Variants in CLIC5 observed in about 807,000 individuals in gnomAD.
CLIC5 encodes CLIC family member 5, also known as chloride intracellular channel protein 5.
In CLIC5, 20 loss-of-function variants were observed where a neutral mutation model predicts 24.7. The ratio of observed to expected loss-of-function variants is 0.81; its 90% confidence interval spans 0.57 to 1.18. CLIC5 has a LOEUF of 1.18. Among genes scored for constraint, CLIC5 ranks in the 50% most tolerant of loss-of-function variants. The pLI, the probability that CLIC5 is intolerant of heterozygous loss-of-function variation, is 0.00. For synonymous variants in CLIC5, 159 were observed against 135.6 expected (o/e 1.17, Z -1.20); for missense variants, 341 against 326.1 (o/e 1.05, Z -0.35).
chr6:46,079,150 G>A (rs960028758), intron 1 of CLIC5, among the ~76,000 whole-genome samples: 4 of 152,080 alleles, frequency 2.6e-5, no homozygotes, highest in Non-Finnish European at 5.9e-5. Context: ...TTTAGATATC[G>A]TAAGCATTAA....
At chr6:46,052,712 C>A (rs140168682) in intron 1 of CLIC5, among the ~76,000 whole-genome samples, 288 of 152,200 alleles carry the variant, frequency 1.9e-3, no homozygotes, top group African/African-American at 5.8e-3. Context: ...ACTCCCACAT[C>A]CCAGCTCTGT....
chr6:46,122,855 C>T, the CLIC5 span: 3 of 152,212 alleles, frequency 2.0e-5, no homozygotes, highest in Non-Finnish European at 4.4e-5. Flanking sequence ...CTCCTCAACA[C>T]ATACACCCTC....
At chr6:46,078,234 C>A (rs1336740868) in intron 1 of CLIC5, among the ~76,000 whole-genome samples, 2 of 152,046 alleles carry the variant, frequency 1.3e-5, no homozygotes, top group African/African-American at 4.8e-5. Flanking sequence ...GTGGCACATG[C>A]CTGTAATCCC....
At chr6:45,962,463 A>G (rs756267801) in intron 1 of CLIC5, among the ~76,000 whole-genome samples, 1 of 146,070 alleles carries the variant, frequency 6.8e-6, no homozygotes, top group African/African-American at 2.6e-5. Flanking sequence ...AAGTTCACCA[A>G]TTTAAATGTT....
rs559236232 is a variant in CLIC5 at position 45,902,745 on chromosome 6, G to A, written c.*343C>T. 1.9e-5 allele frequency: 5 copies of A among 268,364 alleles called. No individual in the cohort carries two copies. In the East Asian group the frequency reaches 5.0e-4, roughly 27 times the overall value. The allele number at this position is 268,364 out of a possible 1,614,324, so 16.6% of individuals were successfully genotyped here. A position where few individuals can be genotyped will look rare whatever the true frequency, so the allele number is the denominator to read the frequency against. ...GGAGTTGGTGTTGCATGTTTCTAAAGCATCTGAGAAGGTATTTTGATATTG... is the reference window on the plus strand; with the variant it reads ...GGAGTTGGTGTTGCATGTTTCTAAAACATCTGAGAAGGTATTTTGATATTG... On this transcript the variant is annotated 3_prime_UTR_variant, in exon 6 of 6. Transcript: ENST00000339561.
At chr6:45,886,612 G>A (rs751312339) in intron 6 of CLIC5, among the ~76,000 whole-genome samples, 1 of 152,176 alleles carries the variant, frequency 6.6e-6, no homozygotes, top group Non-Finnish European at 1.5e-5. Context: ...CCAAATCCGT[G>A]ATCACCTGAA....
intron 1 of CLIC5, among the ~76,000 whole-genome samples, chr6:46,044,404 A>G (rs1236844209): frequency 6.6e-6 from 1 of 152,190 alleles, no homozygotes; most frequent in African/African-American, 2.4e-5. Flanking sequence ...GTGGAGGGAA[A>G]TGGTGGCTTT....
chr6:46,025,705 G>A lies in CLIC5; in HGVS notation c.540+53998C>T, dbSNP rs191353763. On this transcript the variant is annotated intron_variant, in intron 1 of 5. Transcript: ENST00000185206. ...TGCTGGATGGCCTTTAACATGGTTT[G>A]GCTCTGTGTCCCCACCCAAATCTCA... 1.2e-4 allele frequency among the ~76,000 whole-genome samples: 18 copies of A among 152,252 alleles called. No homozygotes were observed. The East Asian group carries it at 3.3e-3, about 28-fold the overall frequency.
intron 1 of CLIC5, among the ~76,000 whole-genome samples, chr6:45,973,587 T>A (rs1257304000): frequency 6.6e-6 from 1 of 152,208 alleles, no homozygotes; most frequent in Non-Finnish European, 1.5e-5. Flanking sequence ...CCTTTTACAA[T>A]ATAATCACTA....
chr6:46,008,724 C>A (rs1416963356), intron 1 of CLIC5, among the ~76,000 whole-genome samples: 1 of 152,136 alleles, frequency 6.6e-6, no homozygotes, highest in East Asian at 1.9e-4. Flanking sequence ...AAAAAATATA[C>A]AAAGGAAGAA....
intron 4 of CLIC5, among the ~76,000 whole-genome samples, chr6:45,931,159 G>A (rs552347609): frequency 6.6e-6 from 1 of 152,316 alleles, no homozygotes; most frequent in East Asian, 1.9e-4. Context: ...CATATTATCT[G>A]TGGCTGCTTT....
At chr6:46,036,306 C>CTTTTTT (rs67557243) in intron 1 of CLIC5, among the ~76,000 whole-genome samples, 1 of 88,164 alleles carries the variant, frequency 1.1e-5, no homozygotes, top group African/African-American at 4.8e-5. Flanking sequence ...ACTGCAAGGT[C>CTTTTTT]TTTTTTTTTT....
chr6:45,928,000 G>A (rs1252644567), intron 4 of CLIC5, among the ~76,000 whole-genome samples: 1 of 152,114 alleles, frequency 6.6e-6, no homozygotes, highest in Admixed American at 6.5e-5. Context: ...GCTGCTTTAT[G>A]CTTAAGCCTT....
chr6:46,105,187 G>T, the CLIC5 span, among the ~76,000 whole-genome samples: 5 of 152,076 alleles, frequency 3.3e-5, no homozygotes, highest in African/African-American at 4.8e-5. Flanking sequence ...TCCTTTCTTT[G>T]AGCTGTCTTT....
At chr6:46,099,322 A>G in the CLIC5 span, among the ~76,000 whole-genome samples, 1 of 152,228 alleles carries the variant, frequency 6.6e-6, no homozygotes, top group African/African-American at 2.4e-5. Flanking sequence ...GAATAATTCT[A>G]TCAATGTAGC....
chr6:45,896,726 C>T (rs1762398115), downstream of CLIC5, among the ~76,000 whole-genome samples: 1 of 152,208 alleles, frequency 6.6e-6, no homozygotes, highest in Non-Finnish European at 1.5e-5. Flanking sequence ...ATACTAGGCA[C>T]AGTCACTGCC....
chr6:45,887,710 CA>C (rs1231882272), intron 6 of CLIC5, among the ~76,000 whole-genome samples: 2 of 152,184 alleles, frequency 1.3e-5, no homozygotes, highest in African/African-American at 2.4e-5. Context: ...CCCTCTAAAA[CA>C]GACAATGGCT....
intron 1 of CLIC5, among the ~76,000 whole-genome samples, chr6:45,985,182 T>C (rs1765692305): frequency 6.6e-6 from 1 of 152,168 alleles, no homozygotes; most frequent in Non-Finnish European, 1.5e-5. Flanking sequence ...AGAAAGAGCC[T>C]GGCCCCTCTG....
chr6:46,128,945 T>C, the CLIC5 span, among the ~76,000 whole-genome samples: 1 of 152,348 alleles, frequency 6.6e-6, no homozygotes, highest in South Asian at 2.1e-4. Flanking sequence ...GTAATAGCTA[T>C]ACTGTAAGGT....
Sources: allele counts gnomAD v4.1 joint callset (sites outside exome capture counted in the v4.1 genomes callset), GRCh38; gene constraint gnomAD v4.1.1; transcripts MANE v1.5; gene names NCBI Gene and HGNC (gene_info 2026-07-23, HGNC 2026-07-21).